Variants in CARD10 observed in about 807,000 individuals in gnomAD.
The protein encoded by CARD10 is caspase recruitment domain family member 10, also known as caspase recruitment domain-containing protein 10.
In CARD10, 49 loss-of-function variants were observed where a neutral mutation model predicts 114.6. The observed-to-expected ratio is 0.43, with a 90% CI of 0.34 to 0.54. CARD10 has a LOEUF of 0.54. Ranked by LOEUF, CARD10 falls within the 20% of genes least tolerant of loss-of-function variation. The pLI is 0.03. For synonymous variants in CARD10, 602 were observed against 593.2 expected, an observed-to-expected ratio of 1.01 and a Z score of -0.21; for missense variants, 1,206 against 1,397.2, an observed-to-expected ratio of 0.86 and a Z score of 2.18.
Position 37,504,678 on chromosome 22 carries a change from G to GT in CARD10, c.1474dup (p.Thr492AsnfsTer11). 6.4e-7 allele frequency: 1 copy of GT among 1,570,184 alleles called. No homozygotes were observed. The highest frequency in any genetic ancestry group is 8.6e-7 in the Non-Finnish European group (1 of 1,160,312). On this transcript the variant is annotated frameshift_variant, in exon 8 of 20. Transcript: ENST00000251973. LOFTEE classifies it high-confidence loss of function. ...TCCCCCCATGACAGCTGCCTCCCCA[G>GT]TTGCTTCTGGGCCTCCCAGAGGGGA...
chr22:37,513,402 G>A (rs1226976464), intron 3 of CARD10, among the ~76,000 whole-genome samples: 3 of 152,042 alleles, frequency 2.0e-5, no homozygotes, highest in Admixed American at 6.6e-5. Context: ...GAGCCACTGC[G>A]CCTGGCCAAT....
intron 5 of CARD10, among the ~76,000 whole-genome samples, chr22:37,508,241 C>T (rs1292885660): frequency 1.3e-5 from 2 of 152,208 alleles, no homozygotes; most frequent in African/African-American, 2.4e-5. Flanking sequence ...GCATCTCCCA[C>T]GGTGCTCATC....
chr22:37,498,600 A>C (rs1322164259), intron 11 of CARD10, among the ~76,000 whole-genome samples: 2 of 152,156 alleles, frequency 1.3e-5, no homozygotes, highest in Non-Finnish European at 2.9e-5. Flanking sequence ...CTGCTGGGGA[A>C]CAGCCCCGCC....
rs772601712 is a variant in CARD10 at position 37,492,763 on chromosome 22, G to A, written c.2516C>T (p.Pro839Leu). 16 of 1,612,778 alleles carry A rather than the reference G, an allele frequency of 9.9e-6. No individual in the cohort carries two copies. Among genetic ancestry groups the A allele is most frequent in the Non-Finnish European group, 1.7e-6 (2 of 1,179,894 alleles). The change falls in exon 17 of 20, where the codon CCG becomes CTG. Residue 839 changes from proline (P) to leucine (L), a missense_variant. Physicochemically the swap from Pro to Leu is moderately conservative, Grantham distance 98. Coordinates refer to ENST00000251973, the MANE Select transcript of CARD10 (RefSeq NM_014550.4). This position sits in a 1 kb window ranked among gnomAD's most constrained non-coding sequence, Gnocchi z 5.7. ...RSLRPYSLVR[P>L]LLVSALRPVV... is the part of the protein sequence containing the mutation. The stretch of plus-strand genomic sequence containing the variant: ...GGGCCGCAGGGCAGACACCAGTAGC[G>A]GCCGCACCAAACTGTAGGGTCTGAG...
intron 6 of CARD10, among the ~76,000 whole-genome samples, chr22:37,506,700 T>G (rs1158466365): frequency 6.6e-6 from 1 of 152,132 alleles, no homozygotes; most frequent in Non-Finnish European, 1.5e-5. Context: ...CTGAAAACTT[T>G]TCCACGAGAC....
intron 3 of CARD10, among the ~76,000 whole-genome samples, chr22:37,513,693 C>T (rs1251576660): frequency 1.3e-5 from 2 of 152,136 alleles, no homozygotes; most frequent in African/African-American, 2.4e-5. Context: ...GAAAACCCTA[C>T]AGCAAGCCCC....
Position 37,492,744 on chromosome 22 carries a change from C to T in CARD10, c.2535G>A (p.Leu845=). The change falls in exon 17 of 20, where the codon CTG becomes CTA. Residue 845 remains leucine, a synonymous_variant. Transcript: ENST00000251973. This position sits in a 1 kb window ranked among gnomAD's most constrained non-coding sequence, Gnocchi z 5.7. ...SLVRPLLVSA[L]RPVVLLPECL... is the part of the protein sequence containing the mutation. ...ACTCAGGCAACAGCACCACGGGCCGCAGGGCAGACACCAGTAGCGGCCGCA... is the reference window on the plus strand; with the variant it reads ...ACTCAGGCAACAGCACCACGGGCCGTAGGGCAGACACCAGTAGCGGCCGCA... The T allele has an allele frequency of 6.2e-7, 1 of 1,613,002 alleles. No homozygotes were observed. Among genetic ancestry groups the T allele is most frequent in the African/African-American group, 1.3e-5 (1 of 75,038 alleles).
Position 37,492,307 on chromosome 22 carries a change from G to A in CARD10, c.2751+128C>T. The A allele has an allele frequency of 1.4e-6, 1 of 711,948 alleles. No individual in the cohort carries two copies. Among genetic ancestry groups the A allele is most frequent in the Non-Finnish European group, 2.3e-6 (1 of 443,242 alleles). 44.1% of individuals were successfully genotyped at this position (711,948 alleles called of 1,614,324 possible). ...AAGGCCACAGGAGGGAAAGGACTTGGCCAGGGCCGCCCTGCCAGTGAGCAG... is the reference window on the plus strand; with the variant it reads ...AAGGCCACAGGAGGGAAAGGACTTGACCAGGGCCGCCCTGCCAGTGAGCAG... On this transcript the variant is annotated intron_variant, in intron 18 of 19. Coordinates refer to ENST00000251973, the MANE Select transcript of CARD10 (RefSeq NM_014550.4). This position sits in a 1 kb window ranked among gnomAD's most constrained non-coding sequence, Gnocchi z 5.7.
At chr22:37,502,801 C>T in intron 10 of CARD10, 76 bp from the exon 11 acceptor site, 3 of 1,505,682 alleles carry the variant, frequency 2.0e-6, no homozygotes, top group Non-Finnish European at 2.7e-6. Flanking sequence ...AGGGACTGAC[C>T]CCCCTCCAGC....
rs1225511603 is a variant in CARD10 at position 37,501,655 on chromosome 22, T to C, written c.1787+947A>G. Among the ~76,000 whole-genome samples, 1 of 152,194 alleles carries C rather than the reference T, an allele frequency of 6.6e-6. No individual in the cohort carries two copies. Among genetic ancestry groups the C allele is most frequent in the Non-Finnish European group, 1.5e-5 (1 of 68,024 alleles). The stretch of plus-strand genomic sequence containing the variant: ...AAACCCAAATCTGATCAGGTCACTA[T>C]GAACCCAGACCTGGTACTTCCCAAC... On this transcript the variant is annotated intron_variant, in intron 11 of 19. Coordinates refer to ENST00000251973, the MANE Select transcript of CARD10 (RefSeq NM_014550.4). This position sits in a 1 kb window ranked among gnomAD's most constrained non-coding sequence, Gnocchi z 5.4.
chr22:37,506,087 G>A (rs1200145591), intron 7 of CARD10, 105 bp downstream of exon 7: 4 of 882,192 alleles, frequency 4.5e-6, no homozygotes, highest in African/African-American at 1.7e-5. Context: ...TTCCTCCCCT[G>A]GCTGAGGTCT....
intron 11 of CARD10, among the ~76,000 whole-genome samples, chr22:37,500,251 G>A (rs1163837305): frequency 2.0e-5 from 3 of 152,304 alleles, no homozygotes; most frequent in East Asian, 3.9e-4. Flanking sequence ...GGGCCGTGGA[G>A]CCAGGCAATG....
intron 11 of CARD10, among the ~76,000 whole-genome samples, chr22:37,497,632 G>A (rs912980404): frequency 6.6e-6 from 1 of 152,142 alleles, no homozygotes; most frequent in African/African-American, 2.4e-5. Context: ...GGGAGGCCGA[G>A]GCAGGCGGAT....
chr22:37,513,730 C>A (rs1361535206), intron 3 of CARD10, among the ~76,000 whole-genome samples: 1 of 152,126 alleles, frequency 6.6e-6, no homozygotes, highest in African/African-American at 2.4e-5. Flanking sequence ...AAAGGGGAAG[C>A]CCTCTGGGTA....
At position 37,517,993 on chromosome 22, in the gene CARD10, G is replaced by A. The variant is rs1274859488; in HGVS notation, c.351C>T (p.Ala117=). 3 of 1,613,850 alleles carry A rather than the reference G, an allele frequency of 1.9e-6. No individual in the cohort carries two copies. The highest frequency in any genetic ancestry group is 2.7e-5 in the African/African-American group (2 of 74,916). The change falls in exon 2 of 20, where the codon GCC becomes GCT. Residue 117 remains alanine (A), a synonymous_variant. Coordinates refer to ENST00000251973, the MANE Select transcript of CARD10 (RefSeq NM_014550.4). ...HFTLLTGQEP[A]QRCSMILDEE... ...CACCGAGGATCATGGAGCAGCGCTG[G>A]GCGGGTTCCTGGCCCGTGAGCAGCG...
rs962686168 is a variant in CARD10, at chr22:37,490,902, C to T, written c.*257G>A. ...AGAAGACACAGACACACATAAGACC[C>T]ACTAGTGGGAATGTGGAGACCCCAG... On this transcript the variant is annotated 3_prime_UTR_variant, in exon 20 of 20. Transcript: ENST00000251973. 5.4e-6 allele frequency: 3 copies of T among 552,162 alleles called. No individual in the cohort carries two copies. The highest frequency in any genetic ancestry group is 9.7e-6 in the Non-Finnish European group (3 of 308,948). The allele number at this position is 552,162 out of a possible 1,614,324, so 34.2% of individuals were successfully genotyped here.
Position 37,506,481 on chromosome 22 carries a change from A to G in CARD10, c.1192-98T>C, listed in dbSNP as rs144490128. ...GAATGGGGACAGTAAGGAGAATGGC[A>G]GCTATCACTTACTGAGCACTGTGTG... is the stretch of plus-strand genomic sequence containing the variant. On this transcript the variant is annotated intron_variant, in intron 6 of 19. Coordinates refer to ENST00000251973, the MANE Select transcript of CARD10 (RefSeq NM_014550.4). 139 of 873,918 alleles carry G rather than the reference A, an allele frequency of 1.6e-4. 1 individual carries two copies. In the East Asian group the frequency reaches 3.8e-3, roughly 24 times the overall value. The allele number at this position is 873,918 out of a possible 1,614,324, so 54.1% of individuals were successfully genotyped here.
chr22:37,491,701 G>T, intron 19 of CARD10, 54 bp downstream of exon 19: 1 of 1,025,514 alleles, frequency 9.8e-7, no homozygotes. Context: ...CATCCTCAAG[G>T]AGGAAGCTCT....
intron 7 of CARD10, among the ~76,000 whole-genome samples, chr22:37,505,448 T>TC (rs1189569629): frequency 2.0e-5 from 3 of 151,720 alleles, no homozygotes; most frequent in Admixed American, 2.0e-4. Context: ...GGCAGGAGGA[T>TC]CCCTTGAGGT....
Sources: allele counts gnomAD v4.1 joint callset (sites outside exome capture counted in the v4.1 genomes callset), GRCh38; gene constraint gnomAD v4.1.1; non-coding constraint Gnocchi (gnomAD v3.1); transcripts MANE v1.5; gene names NCBI Gene and HGNC (gene_info 2026-07-23, HGNC 2026-07-21).